SVOP: variants seen among roughly 807,000 people sequenced by gnomAD.
SVOP encodes SV2 related protein, also known as synaptic vesicle 2-related protein.
SVOP carries 17 observed loss-of-function variants against 69.1 expected under a neutral mutation model. The observed-to-expected ratio is 0.25, with a 90% CI of 0.17 to 0.37. The LOEUF (loss-of-function observed/expected upper bound fraction) is 0.37, where lower values mean the gene tolerates loss of function less well. SVOP is among the 10% of genes least tolerant of loss of function. SVOP has a pLI of 1.00. For synonymous variants in SVOP, 238 were observed against 238.6 expected, an observed-to-expected ratio of 1.00 and a Z score of 0.02; for missense variants, 435 against 597.5, an observed-to-expected ratio of 0.73 and a Z score of 2.84.
intron 11 of SVOP, among the ~76,000 whole-genome samples, chr12:108,927,934 C>G (rs962904321): frequency 9.8e-5 from 14 of 142,472 alleles, no homozygotes; most frequent in African/African-American, 3.6e-4. Flanking sequence ...GAGAGAGAGT[C>G]TCATACCATC....
intron 5 of SVOP, among the ~76,000 whole-genome samples, chr12:108,963,034 G>A (rs1318162921): frequency 2.0e-5 from 3 of 152,046 alleles, no homozygotes; most frequent in African/African-American, 7.2e-5. Flanking sequence ...TACCCTTAGA[G>A]ATTGGAAAAA....
At chr12:108,934,577 A>T (rs2039844905) in intron 10 of SVOP, among the ~76,000 whole-genome samples, 2 of 152,248 alleles carry the variant, frequency 1.3e-5, no homozygotes, top group Admixed American at 6.5e-5. Flanking sequence ...ACTGGGCTGC[A>T]TTCCCAGATG....
intron 11 of SVOP, among the ~76,000 whole-genome samples, chr12:108,931,214 A>G (rs927164302): frequency 6.6e-6 from 1 of 152,138 alleles, no homozygotes; most frequent in Non-Finnish European, 1.5e-5. Flanking sequence ...CAATCCTTAT[A>G]CCAATAAACA....
At chr12:109,017,413 C>T (rs2040373059) in intron 1 of SVOP, among the ~76,000 whole-genome samples, 1 of 151,904 alleles carries the variant, frequency 6.6e-6, no homozygotes, top group South Asian at 2.1e-4. Flanking sequence ...TCCCTGGAGC[C>T]AAAAAAGTTG....
At chr12:108,966,061 G>T (rs541916467) in intron 5 of SVOP, among the ~76,000 whole-genome samples, 6 of 151,228 alleles carry the variant, frequency 4.0e-5, no homozygotes, top group African/African-American at 1.5e-4. Context: ...GAGTGCAGTG[G>T]CTCAGTCACA....
intron 6 of SVOP, among the ~76,000 whole-genome samples, chr12:108,959,973 G>T (rs1489856140): frequency 1.3e-5 from 2 of 152,150 alleles, no homozygotes; most frequent in African/African-American, 4.8e-5. Context: ...GTAAAATGGG[G>T]TTAATAATAG....
chr12:108,968,121 G>A (rs1566059379), intron 5 of SVOP, among the ~76,000 whole-genome samples: 1 of 152,182 alleles, frequency 6.6e-6, no homozygotes, highest in Non-Finnish European at 1.5e-5. Context: ...GGATAAGGCA[G>A]TTGCTGCTCT....
intron 8 of SVOP, among the ~76,000 whole-genome samples, chr12:108,940,539 GC>G (rs1419152430): frequency 1.3e-5 from 2 of 150,560 alleles, no homozygotes; most frequent in Non-Finnish European, 3.0e-5. Flanking sequence ...CAATGATGGG[GC>G]CAATGTATCC....
intron 5 of SVOP, among the ~76,000 whole-genome samples, chr12:108,967,792 GTC>G (rs1262264508): frequency 1.3e-5 from 2 of 152,248 alleles, no homozygotes; most frequent in East Asian, 3.9e-4. Flanking sequence ...AATCAAAAAT[GTC>G]TCTAGACATT....
intron 6 of SVOP, among the ~76,000 whole-genome samples, chr12:108,947,295 C>T (rs1298882464): frequency 6.6e-6 from 1 of 152,062 alleles, no homozygotes; most frequent in Non-Finnish European, 1.5e-5. Context: ...CCTGGGGTGT[C>T]ACTGCTGCTG....
chr12:108,913,011 G>A (rs548061732), intron 15 of SVOP, among the ~76,000 whole-genome samples: 2 of 152,170 alleles, frequency 1.3e-5, no homozygotes, highest in African/African-American at 4.8e-5. Flanking sequence ...GCAGAATCGT[G>A]AGTCAAATAA....
chr12:108,951,866 G>T lies in SVOP; in HGVS notation c.579-6700C>A, dbSNP rs141908969. On this transcript the variant is annotated intron_variant, in intron 6 of 15. Coordinates refer to ENST00000610966, the MANE Select transcript of SVOP (RefSeq NM_018711.5). ...TATGCACCTTTGCAGTATGACTGCA[G>T]CACATCCCATCAAGAGTTCATTTTC... Among the ~76,000 whole-genome samples the T allele has an allele frequency of 2.5e-3, 374 of 152,326 alleles. 2 individuals carry two copies. The highest frequency in any genetic ancestry group is 8.8e-3 in the African/African-American group (367 of 41,578).
Position 108,910,000 on chromosome 12 carries a change from C to T in SVOP, c.*2535G>A, listed in dbSNP as rs181145766. Reference sequence around the variant, plus strand: ...TTTGAGATGGAGTCTTGCTCTGTCGCCCAGGCTGGAGTGCAGTGGCGCGAT... The same window carrying T: ...TTTGAGATGGAGTCTTGCTCTGTCGTCCAGGCTGGAGTGCAGTGGCGCGAT... On this transcript the variant is annotated 3_prime_UTR_variant, in exon 16 of 16. Coordinates refer to ENST00000610966, the MANE Select transcript of SVOP (RefSeq NM_018711.5). 0.013 allele frequency: 1,975 copies of T among 152,534 alleles called. 27 individuals carry two copies. The highest frequency in any genetic ancestry group is 0.018 in the Non-Finnish European group (1,205 of 68,246). 9.4% of individuals were successfully genotyped at this position (152,534 alleles called of 1,614,324 possible).
chr12:108,992,991 G>A (rs562986044), intron 1 of SVOP, among the ~76,000 whole-genome samples: 1 of 152,282 alleles, frequency 6.6e-6, no homozygotes, highest in East Asian at 1.9e-4. Flanking sequence ...AGAACTGCTT[G>A]AGGCCAGGAC....
chr12:108,960,659 C>T (rs1006652121), intron 6 of SVOP, among the ~76,000 whole-genome samples: 2 of 152,180 alleles, frequency 1.3e-5, no homozygotes, highest in African/African-American at 2.4e-5. Flanking sequence ...CCAAGTGGAA[C>T]AGTCAATCAA....
intron 11 of SVOP, among the ~76,000 whole-genome samples, chr12:108,928,632 T>C (rs1401748679): frequency 3.3e-5 from 5 of 149,988 alleles, no homozygotes; most frequent in Admixed American, 2.7e-4. Context: ...AGTGGTACAA[T>C]CTCGTCTCAC....
intron 11 of SVOP, among the ~76,000 whole-genome samples, chr12:108,933,098 C>T (rs1241608625): frequency 1.3e-5 from 2 of 152,092 alleles, no homozygotes; most frequent in African/African-American, 2.4e-5. Flanking sequence ...AGGCTGGTCT[C>T]TAACTCCTGG....
At chr12:108,964,448 A>C (rs1053447937) in intron 5 of SVOP, among the ~76,000 whole-genome samples, 26 of 151,880 alleles carry the variant, frequency 1.7e-4, no homozygotes, top group African/African-American at 6.3e-4. Flanking sequence ...CTTAATTGGC[A>C]TCAGCGGGAG....
chr12:108,959,520 A>G (rs2040005292), intron 6 of SVOP, among the ~76,000 whole-genome samples: 1 of 151,638 alleles, frequency 6.6e-6, no homozygotes, highest in African/African-American at 2.4e-5. Flanking sequence ...AGCCCGGAAA[A>G]TTTTTGTATT....
Sources: allele counts gnomAD v4.1 joint callset (sites outside exome capture counted in the v4.1 genomes callset), GRCh38; gene constraint gnomAD v4.1.1; transcripts MANE v1.5; gene names NCBI Gene and HGNC (gene_info 2026-07-23, HGNC 2026-07-21).